The following CSDE1 variants were observed in gnomAD, a reference collection of about 807,000 sequenced individuals.
CSDE1 encodes the protein cold shock domain containing E1.
Under a neutral mutation model 89.3 loss-of-function variants are expected in CSDE1, and 17 were observed. That is an observed-to-expected ratio of 0.19 (90% CI 0.13 to 0.29). The LOEUF is 0.29. Ranked by LOEUF, CSDE1 falls within the 10% of genes least tolerant of loss-of-function variation. The probability of loss-of-function intolerance (pLI) is 1.00; values close to 1 mark genes in which losing one functional copy is unlikely to be tolerated. For missense variants in CSDE1, 672 were observed against 984.2 expected, an observed-to-expected ratio of 0.68 and a Z score of 4.24; for synonymous variants, 322 against 332.8, an observed-to-expected ratio of 0.97 and a Z score of 0.35.
chr1:114,757,380 T>C (rs1661662699), intron 1 of CSDE1, among the ~76,000 whole-genome samples: 1 of 151,858 alleles, frequency 6.6e-6, no homozygotes, highest in South Asian at 2.1e-4. Flanking sequence ...CTGGTACTGG[T>C]AGTCAGATTC....
intron 1 of CSDE1, among the ~76,000 whole-genome samples, chr1:114,751,265 T>C (rs984278940): frequency 2.6e-5 from 4 of 152,208 alleles, no homozygotes; most frequent in Non-Finnish European, 4.4e-5. Context: ...AGCTATAAAA[T>C]AAACAACAAT....
intron 10 of CSDE1, among the ~76,000 whole-genome samples, chr1:114,731,927 GTC>G (rs1308900472): frequency 1.3e-5 from 2 of 152,152 alleles, no homozygotes; most frequent in Non-Finnish European, 2.9e-5. Context: ...CGATTCTCCT[GTC>G]TCAGCCTCCT....
chr1:114,743,781 G>C (rs1265520831), intron 2 of CSDE1, among the ~76,000 whole-genome samples: 2 of 152,152 alleles, frequency 1.3e-5, no homozygotes, highest in African/African-American at 2.4e-5. Context: ...CTCATCCCTA[G>C]ACACATACCA....
chr1:114,718,266 A>C (rs749461339), intron 19 of CSDE1, 50 bp from the exon 20 acceptor site: 1 of 1,560,476 alleles, frequency 6.4e-7, no homozygotes, highest in African/African-American at 1.4e-5. Flanking sequence ...TTGAGCGCAC[A>C]ACAATCATAG....
In CSDE1 at chr1:114,718,724, T is replaced by A. The variant is rs1310174567; in HGVS notation, c.2238A>T (p.Ala746=). The change falls in exon 19 of 20, where the codon GCA becomes GCT. Residue 746 remains alanine, a synonymous_variant. Transcript: ENST00000358528. The part of the protein sequence containing the change: ...WRVCEGPKAV[A]APRPDRLVNR... Reference sequence around the variant, plus strand: ...TGACCAACCGATCAGGTCGAGGAGCTGCAACAGCCTTGGGGCCCTCACTGT... The same window carrying A: ...TGACCAACCGATCAGGTCGAGGAGCAGCAACAGCCTTGGGGCCCTCACTGT... 1 of 1,614,150 alleles carries A rather than the reference T, an allele frequency of 6.2e-7. No homozygotes were observed. Among genetic ancestry groups the A allele is most frequent in the South Asian group, 1.1e-5 (1 of 91,082 alleles).
At chr1:114,740,292 C>T (rs891899825) in intron 2 of CSDE1, among the ~76,000 whole-genome samples, 2 of 152,278 alleles carry the variant, frequency 1.3e-5, no homozygotes, top group South Asian at 2.1e-4. Context: ...GATTTGGTAA[C>T]GCTATTTTGA....
chr1:114,737,901 C>A (rs754814785), intron 4 of CSDE1, 62 bp downstream of exon 4: 125 of 1,104,058 alleles, frequency 1.1e-4, no homozygotes, highest in Non-Finnish European at 1.7e-4. Flanking sequence ...TCTTCCTTTT[C>A]TAATGTGAAA....
Position 114,731,354 on chromosome 1 carries a change from T to A in CSDE1, c.1051-706A>T, listed in dbSNP as rs957099369. ...GACAGTAGCCAAGTTATATTTTCCA[T>A]ACCGTAAAGCAAAACAGATCTTGCC... On this transcript the variant is annotated intron_variant, in intron 10 of 19. Coordinates refer to ENST00000358528, the MANE Select transcript of CSDE1 (RefSeq NM_001007553.3). Among the ~76,000 whole-genome samples the A allele has an allele frequency of 6.1e-5, 9 of 147,394 alleles. 1 individual carries two copies. The highest frequency in any genetic ancestry group is 2.3e-4 in the African/African-American group (9 of 39,520).
intron 2 of CSDE1, among the ~76,000 whole-genome samples, chr1:114,746,040 G>A (rs763169996): frequency 2.0e-5 from 3 of 152,130 alleles, no homozygotes; most frequent in Non-Finnish European, 4.4e-5. Flanking sequence ...TGGTCTGCTT[G>A]GCTTCTACTG....
At chr1:114,740,374 T>G (rs1000781556) in intron 2 of CSDE1, among the ~76,000 whole-genome samples, 2 of 152,202 alleles carry the variant, frequency 1.3e-5, no homozygotes, top group African/African-American at 4.8e-5. Flanking sequence ...TTAGTAGAGA[T>G]TAACACAATA....
intron 12 of CSDE1, among the ~76,000 whole-genome samples, chr1:114,729,561 T>C (rs532762785): frequency 9.3e-4 from 140 of 151,294 alleles, no homozygotes; most frequent in African/African-American, 3.3e-3. Context: ...ACTCATTGCT[T>C]CCTAAAGAAA....
Position 114,729,250 on chromosome 1 carries a change from T to A in CSDE1, c.1356+1008A>T, listed in dbSNP as rs1985867. Among the ~76,000 whole-genome samples, 12 of 151,724 alleles carry A rather than the reference T, an allele frequency of 7.9e-5. No individual in the cohort carries two copies. The South Asian group carries it at 1.5e-3, about 18-fold the overall frequency. On this transcript the variant is annotated intron_variant, in intron 12 of 19. Coordinates refer to ENST00000358528, the MANE Select transcript of CSDE1 (RefSeq NM_001007553.3). Reference sequence around the variant, plus strand: ...AGTAGCTGGGATTACAGGTGCCCACTACTATGCCCGGCTAATTTTTTTGTA... The same window carrying A: ...AGTAGCTGGGATTACAGGTGCCCACAACTATGCCCGGCTAATTTTTTTGTA...
intron 1 of CSDE1, among the ~76,000 whole-genome samples, chr1:114,757,375 A>G (rs1239898420): frequency 6.6e-6 from 1 of 152,036 alleles, no homozygotes; most frequent in Non-Finnish European, 1.5e-5. Context: ...GCGCTCTGGT[A>G]CTGGTAGTCA....
At chr1:114,747,957 C>T (rs1353776100) in intron 2 of CSDE1, among the ~76,000 whole-genome samples, 1 of 151,848 alleles carries the variant, frequency 6.6e-6, no homozygotes, top group Non-Finnish European at 1.5e-5. Context: ...ACAGAATCCA[C>T]AACAATTAGT....
chr1:114,748,891 G>C (rs994723136), intron 2 of CSDE1, among the ~76,000 whole-genome samples: 5 of 152,140 alleles, frequency 3.3e-5, no homozygotes, highest in Admixed American at 1.3e-4. Context: ...ACTTTTGGGG[G>C]AAAAACCCTT....
At chr1:114,726,413 C>T (rs1195311957) in intron 13 of CSDE1, 27 bp from the exon 14 acceptor site, 2 of 1,579,322 alleles carry the variant, frequency 1.3e-6, no homozygotes, top group South Asian at 1.2e-5. Context: ...TGCTCATTAA[C>T]ACCATATCAC....
rs1660656610 is a variant in CSDE1 at position 114,740,388 on chromosome 1, T to C, written c.1-498A>G. Reference sequence around the variant, plus strand: ...GTTAGTAGAGATTAACACAATAAAATGAACTTTCTATGCAATACTTAAACT... The same window carrying C: ...GTTAGTAGAGATTAACACAATAAAACGAACTTTCTATGCAATACTTAAACT... On this transcript the variant is annotated intron_variant, in intron 2 of 19. Coordinates refer to ENST00000358528, the MANE Select transcript of CSDE1 (RefSeq NM_001007553.3). Among the ~76,000 whole-genome samples, 2 of 152,214 alleles carry C rather than the reference T, an allele frequency of 1.3e-5. 1 individual carries two copies. Among genetic ancestry groups the C allele is most frequent in the Non-Finnish European group, 2.9e-5 (2 of 68,024 alleles).
intron 1 of CSDE1, among the ~76,000 whole-genome samples, chr1:114,752,991 C>CGCCACAATTCAAGTGTAAACAGTTAT (rs1238724833): frequency 2.0e-5 from 3 of 152,134 alleles, no homozygotes; most frequent in Non-Finnish European, 1.5e-5. Context: ...AGCAAAAGGA[C>CGCCACAATTCAAGTGTAAACAGTTAT]GCCACAATTC....
chr1:114,725,973 C>T (rs1659772954), intron 14 of CSDE1, among the ~76,000 whole-genome samples: 1 of 152,158 alleles, frequency 6.6e-6, no homozygotes, highest in African/African-American at 2.4e-5. Context: ...CACCAAATGG[C>T]CAACTCTATG....
Sources: gnomAD v4.1 joint callset for allele counts (sites outside exome capture counted in the v4.1 genomes callset) on GRCh38, gnomAD v4.1.1 for gene constraint, MANE v1.5 for transcripts, NCBI Gene and HGNC (gene_info 2026-07-23, HGNC 2026-07-21) for gene names.